MOSMO: variants seen among roughly 807,000 people sequenced by gnomAD.
MOSMO encodes modulator of smoothened protein.
Under a neutral mutation model 18.4 loss-of-function variants are expected in MOSMO, and 5 were observed. The observed-to-expected ratio is 0.27, with a 90% CI of 0.14 to 0.57. MOSMO has a LOEUF of 0.57. Ranked by LOEUF, MOSMO falls within the 20% of genes least tolerant of loss-of-function variation. The probability of loss-of-function intolerance (pLI) is 0.92; values close to 1 mark genes in which losing one functional copy is unlikely to be tolerated. For synonymous variants in MOSMO, 82 were observed against 82.3 expected, an observed-to-expected ratio of 1.00 and a Z score of 0.02; for missense variants, 138 against 211.8, an observed-to-expected ratio of 0.65 and a Z score of 2.16.
chr16:22,048,929 C>T (rs1900369205), intron 1 of MOSMO, among the ~76,000 whole-genome samples: 3 of 151,924 alleles, frequency 2.0e-5, no homozygotes, highest in Non-Finnish European at 2.9e-5. Flanking sequence ...AACCGGTTGC[C>T]CCCGTGTTCT....
chr16:22,009,951 A>G (rs1033077007), intron 1 of MOSMO, among the ~76,000 whole-genome samples: 4 of 151,690 alleles, frequency 2.6e-5, no homozygotes, highest in African/African-American at 9.7e-5. Flanking sequence ...AGATTGCGCT[A>G]CTGCACTCCA....
At chr16:22,069,431 C>T (rs1434957529) in intron 1 of MOSMO, among the ~76,000 whole-genome samples, 1 of 151,894 alleles carries the variant, frequency 6.6e-6, no homozygotes, top group Non-Finnish European at 1.5e-5. Context: ...TATAGAAGAG[C>T]CAGATCCAAG....
rs1056179631 is a variant in MOSMO at position 22,084,299 on chromosome 16, C to T, written c.*3419C>T. 6.6e-6 allele frequency: 1 copy of T among 152,128 alleles called. No homozygotes were observed. Among genetic ancestry groups the T allele is most frequent in the African/African-American group, 2.4e-5 (1 of 41,428 alleles). 9.4% of individuals were successfully genotyped at this position (152,128 alleles called of 1,614,324 possible). On this transcript the variant is annotated 3_prime_UTR_variant, in exon 3 of 3. Coordinates refer to ENST00000542527, the MANE Select transcript of MOSMO (RefSeq NM_001164579.2). ...GATTATAGTAACTGTTTTATCAACC[C>T]ACTTCATCTTTAAAAAATTAAATTT...
chr16:22,023,783 T>C (rs1193399100), intron 1 of MOSMO, among the ~76,000 whole-genome samples: 1 of 152,056 alleles, frequency 6.6e-6, no homozygotes, highest in Non-Finnish European at 1.5e-5. Context: ...TCTCTGAGCT[T>C]GGGGTTTTAC....
intron 1 of MOSMO, among the ~76,000 whole-genome samples, chr16:22,072,226 G>A (rs1276284696): frequency 1.3e-5 from 2 of 152,060 alleles, no homozygotes; most frequent in East Asian, 3.9e-4. Context: ...AAATTTGAAG[G>A]CCTGGTGAAA....
At chr16:22,090,310 G>A (rs1352014208), downstream of MOSMO, 4 of 152,206 alleles carry the variant, frequency 2.6e-5, no homozygotes, top group Non-Finnish European at 5.9e-5. Flanking sequence ...CATCCCTGAA[G>A]CCAGAACTAT....
intron 1 of MOSMO, among the ~76,000 whole-genome samples, chr16:22,056,274 G>A (rs1900531538): frequency 6.6e-6 from 1 of 151,280 alleles, no homozygotes; most frequent in Non-Finnish European, 1.5e-5. Context: ...TGCCACTGAC[G>A]CCTGAGTTCA....
chr16:22,012,738 A>AG (rs1017341049), intron 1 of MOSMO, among the ~76,000 whole-genome samples: 9 of 136,756 alleles, frequency 6.6e-5, no homozygotes, highest in African/African-American at 2.3e-4. Context: ...TAGAAGGAAT[A>AG]GAAAAAAAAA....
chr16:22,064,260 C>G (rs982098359), intron 1 of MOSMO: 2 of 455,296 alleles, frequency 4.4e-6, no homozygotes, highest in African/African-American at 2.0e-5. Flanking sequence ...TGTTAAAATA[C>G]TTTTACAGAT....
chr16:22,062,401 C>T (rs1179962886), intron 1 of MOSMO, among the ~76,000 whole-genome samples: 1 of 152,078 alleles, frequency 6.6e-6, no homozygotes, highest in African/African-American at 2.4e-5. Flanking sequence ...TAGCTCACTG[C>T]AGCCTCAAAC....
intron 1 of MOSMO, among the ~76,000 whole-genome samples, chr16:22,039,817 CA>C (rs1321668248): frequency 6.6e-6 from 1 of 152,182 alleles, no homozygotes; most frequent in African/African-American, 2.4e-5. Context: ...AAGATAGCAG[CA>C]CTCCCTCCTC....
intron 1 of MOSMO, among the ~76,000 whole-genome samples, chr16:22,073,155 A>C (rs572510679): frequency 6.1e-4 from 93 of 152,326 alleles, no homozygotes; most frequent in African/African-American, 2.2e-3. Context: ...GAAAGTCAAC[A>C]TAAGGATACT....
At chr16:22,066,497 C>A (rs1598021609) in intron 1 of MOSMO, among the ~76,000 whole-genome samples, 1 of 152,146 alleles carries the variant, frequency 6.6e-6, no homozygotes, top group Non-Finnish European at 1.5e-5. Context: ...CTCACCTCTA[C>A]CTGATTTAGG....
At chr16:22,086,618 G>A (rs991722048), downstream of MOSMO, among the ~76,000 whole-genome samples, 4 of 152,150 alleles carry the variant, frequency 2.6e-5, no homozygotes, top group African/African-American at 9.7e-5. Flanking sequence ...GTGAGCCTTG[G>A]TTTTTTCATC....
chr16:22,018,686 A>G (rs1430125647), intron 1 of MOSMO, among the ~76,000 whole-genome samples: 2 of 152,216 alleles, frequency 1.3e-5, no homozygotes, highest in Non-Finnish European at 2.9e-5. Context: ...GAGGTACCCT[A>G]TACCCTGGGA....
intron 1 of MOSMO, chr16:22,064,199 A>G: frequency 2.4e-6 from 1 of 408,706 alleles, no homozygotes; most frequent in Non-Finnish European, 4.9e-6. Context: ...ATCATTGTCC[A>G]CAGGCAGTCC....
chr16:22,085,479 G>A (rs975090319), downstream of MOSMO, among the ~76,000 whole-genome samples: 4 of 152,134 alleles, frequency 2.6e-5, no homozygotes, highest in Non-Finnish European at 1.5e-5. Flanking sequence ...TAATGAATAG[G>A]TCAATTGGAA....
At chr16:22,019,432 A>G (rs1277606683) in intron 1 of MOSMO, among the ~76,000 whole-genome samples, 1 of 152,182 alleles carries the variant, frequency 6.6e-6, no homozygotes, top group Non-Finnish European at 1.5e-5. Flanking sequence ...TCCCTTACCT[A>G]AAGTGATTTT....
chr16:22,053,299 G>A (rs1303556597), intron 1 of MOSMO, among the ~76,000 whole-genome samples: 1 of 151,778 alleles, frequency 6.6e-6, no homozygotes, highest in Non-Finnish European at 1.5e-5. Context: ...GTGGATGCAT[G>A]GGGGTTCATG....
Sources: gnomAD v4.1 joint callset for allele counts (sites outside exome capture counted in the v4.1 genomes callset) on GRCh38, gnomAD v4.1.1 for gene constraint, MANE v1.5 for transcripts, NCBI Gene and HGNC (gene_info 2026-07-23, HGNC 2026-07-21) for gene names.